The following CEP112 variants were observed in gnomAD, a reference collection of about 807,000 sequenced individuals.
CEP112 encodes centrosomal protein of 112 kDa.
A neutral mutation model predicts 153.0 loss-of-function variants in CEP112; 127 were observed. The ratio of observed to expected loss-of-function variants is 0.83; its 90% confidence interval spans 0.72 to 0.96. The LOEUF (loss-of-function observed/expected upper bound fraction) is 0.96. Ranked by LOEUF, CEP112 falls within the 40% of genes least tolerant of loss-of-function variation. The probability of loss-of-function intolerance (pLI) is 0.00; values close to 1 mark genes in which losing one functional copy is unlikely to be tolerated. For synonymous variants in CEP112, 358 were observed against 374.4 expected, an observed-to-expected ratio of 0.96 and a Z score of 0.51; for missense variants, 1,089 against 1,101.2, an observed-to-expected ratio of 0.99 and a Z score of 0.16.
chr17:65,835,087 C>T (rs2057247841), intron 21 of CEP112, among the ~76,000 whole-genome samples: 1 of 151,092 alleles, frequency 6.6e-6, no homozygotes, highest in Non-Finnish European at 1.5e-5. Context: ...AAAACTAACA[C>T]AGGAACAGAA....
intron 21 of CEP112, among the ~76,000 whole-genome samples, chr17:65,808,709 C>T (rs541954674): frequency 6.6e-6 from 1 of 152,236 alleles, no homozygotes; most frequent in East Asian, 1.9e-4. Flanking sequence ...CTTAGTCTTC[C>T]ACCATGATTG....
chr17:65,836,093 G>A (rs144267261), intron 21 of CEP112, among the ~76,000 whole-genome samples: 59 of 151,980 alleles, frequency 3.9e-4, no homozygotes, highest in Middle Eastern at 3.4e-3. Flanking sequence ...TGTAAGCCTC[G>A]TGGTGGCCAC....
At chr17:65,729,146 C>G (rs1174766560) in intron 23 of CEP112, among the ~76,000 whole-genome samples, 3 of 151,902 alleles carry the variant, frequency 2.0e-5, no homozygotes, top group African/African-American at 7.3e-5. Context: ...CATAAGCTTT[C>G]TTCTATTAAT....
chr17:66,138,835 A>G (rs2070559854), intron 4 of CEP112, among the ~76,000 whole-genome samples: 1 of 152,306 alleles, frequency 6.6e-6, no homozygotes. Context: ...TGACTTATTA[A>G]GTCCACAAAT....
intron 22 of CEP112, among the ~76,000 whole-genome samples, chr17:65,746,449 A>G (rs77305171): frequency 0.016 from 2,426 of 152,252 alleles, 50 homozygotes; most frequent in African/African-American, 0.056. Flanking sequence ...TATTTGGTTA[A>G]AAGACTCACA....
chr17:65,871,466 T>C (rs1415837786), intron 20 of CEP112, among the ~76,000 whole-genome samples: 1 of 152,060 alleles, frequency 6.6e-6, no homozygotes, highest in African/African-American at 2.4e-5. Flanking sequence ...AAACCCCATC[T>C]CTACTAAAAA....
intron 8 of CEP112, among the ~76,000 whole-genome samples, chr17:66,091,765 A>T (rs924335380): frequency 3.9e-5 from 6 of 152,118 alleles, no homozygotes; most frequent in Admixed American, 3.9e-4. Flanking sequence ...TTGAAAAGAT[A>T]AACAAAATTG....
chr17:65,929,434 A>G (rs1252768144), intron 18 of CEP112, among the ~76,000 whole-genome samples: 3 of 152,056 alleles, frequency 2.0e-5, no homozygotes, highest in African/African-American at 4.8e-5. Context: ...ATATTCACAC[A>G]GTTTCTTTCT....
chr17:65,973,043 G>A (rs1318381209), intron 17 of CEP112, among the ~76,000 whole-genome samples: 4 of 152,226 alleles, frequency 2.6e-5, no homozygotes, highest in African/African-American at 9.6e-5. Context: ...TGGAATTACA[G>A]GCGTAAGCCA....
At chr17:66,143,982 T>C (rs992499359) in intron 4 of CEP112, among the ~76,000 whole-genome samples, 9 of 152,220 alleles carry the variant, frequency 5.9e-5, no homozygotes, top group Non-Finnish European at 1.0e-4. Flanking sequence ...TCTCTCACCA[T>C]TGTTGGCTGT....
rs144927784 is a variant in CEP112, at chr17:66,010,235, T to C, written c.1657-4466A>G. On this transcript the variant is annotated intron_variant, in intron 16 of 26. Coordinates refer to ENST00000535342, the MANE Select transcript of CEP112 (RefSeq NM_001199165.4). ...TTTTTGTGGCTAATGTGAATGGAACTGCATTCTTGATTTGGTTCTCAGCTT... is the reference window on the plus strand; with the variant it reads ...TTTTTGTGGCTAATGTGAATGGAACCGCATTCTTGATTTGGTTCTCAGCTT... Among the ~76,000 whole-genome samples, 1,383 of 152,316 alleles carry C rather than the reference T, an allele frequency of 9.1e-3. 30 individuals carry two copies. The highest frequency in any genetic ancestry group is 0.031 in the African/African-American group (1,307 of 41,560).
intron 11 of CEP112, among the ~76,000 whole-genome samples, chr17:66,057,173 C>T (rs537298842): frequency 8.5e-5 from 13 of 152,258 alleles, no homozygotes; most frequent in South Asian, 2.1e-4. Flanking sequence ...GGAATGACGA[C>T]GGACAGACTG....
intron 19 of CEP112, among the ~76,000 whole-genome samples, chr17:65,917,002 C>T (rs929744494): frequency 1.8e-4 from 28 of 152,170 alleles, no homozygotes; most frequent in African/African-American, 5.3e-4. Context: ...CTCTAGGCTC[C>T]GACCACTGGA....
intron 6 of CEP112, among the ~76,000 whole-genome samples, chr17:66,121,691 TG>T (rs931032212): frequency 1.5e-4 from 23 of 151,960 alleles, no homozygotes; most frequent in African/African-American, 5.1e-4. Flanking sequence ...AATTTCCATC[TG>T]TTTTTTTTTT....
intron 20 of CEP112, among the ~76,000 whole-genome samples, chr17:65,886,470 T>C (rs544114861): frequency 6.6e-5 from 10 of 152,346 alleles, no homozygotes; most frequent in African/African-American, 2.2e-4. Flanking sequence ...GGCATATTTT[T>C]ATACTTGGTT....
At chr17:66,156,107 G>T (rs1038666333) in intron 4 of CEP112, among the ~76,000 whole-genome samples, 1 of 152,122 alleles carries the variant, frequency 6.6e-6, no homozygotes, top group African/African-American at 2.4e-5. Context: ...TCCCAGCAGG[G>T]GTCGACAGAA....
At chr17:65,898,774 T>C (rs539602084) in intron 20 of CEP112, among the ~76,000 whole-genome samples, 2 of 152,226 alleles carry the variant, frequency 1.3e-5, no homozygotes, top group Non-Finnish European at 2.9e-5. Context: ...TTACCCTAGG[T>C]GCCTAAATGT....
chr17:65,775,691 T>C (rs1387462422), intron 21 of CEP112, among the ~76,000 whole-genome samples: 2 of 151,980 alleles, frequency 1.3e-5, no homozygotes, highest in Non-Finnish European at 1.5e-5. Flanking sequence ...TTAGTAGAGA[T>C]GGCATTTCAC....
At chr17:65,778,442 C>T (rs1164967647) in intron 21 of CEP112, among the ~76,000 whole-genome samples, 2 of 152,048 alleles carry the variant, frequency 1.3e-5, no homozygotes, top group Non-Finnish European at 2.9e-5. Flanking sequence ...TTACTTTTTG[C>T]CCTTTAGTAT....
Sources: allele counts gnomAD v4.1 joint callset (sites outside exome capture counted in the v4.1 genomes callset), GRCh38; gene constraint gnomAD v4.1.1; transcripts MANE v1.5; gene names NCBI Gene and HGNC (gene_info 2026-07-23, HGNC 2026-07-21).